The following ZNF177 variants were observed in gnomAD, a reference collection of about 807,000 sequenced individuals.
ZNF177 encodes zinc finger protein 177.
Under a neutral mutation model 19.4 loss-of-function variants are expected in ZNF177, and 17 were observed. The ratio of observed to expected loss-of-function variants is 0.87; its 90% CI spans 0.60 to 1.31. ZNF177 has a LOEUF of 1.31. ZNF177 is among the 40% of genes most tolerant of loss of function. The pLI, the probability that ZNF177 is intolerant of heterozygous loss-of-function variation, is 0.00. For missense variants in ZNF177, 633 were observed against 561.8 expected (o/e 1.13, Z -1.28); for synonymous variants, 220 against 188.7 (o/e 1.17, Z -1.36).
upstream of ZNF177, among the ~76,000 whole-genome samples, chr19:9,374,102 T>C (rs969102995): frequency 2.6e-5 from 4 of 152,166 alleles, no homozygotes; most frequent in Admixed American, 2.6e-4. Flanking sequence ...AGGATCTAAT[T>C]TCACTTTTTC....
At chr19:9,378,378 A>G in intron 2 of ZNF177, 34 bp downstream of exon 4, 2 of 1,613,040 alleles carry the variant, frequency 1.2e-6, no homozygotes, top group Non-Finnish European at 1.7e-6. Flanking sequence ...CCAAAAGCAC[A>G]CTGCCATTCC....
At chr19:9,372,054 TTG>T (rs554859902), upstream of ZNF177, among the ~76,000 whole-genome samples, 327 of 152,322 alleles carry the variant, frequency 2.1e-3, no homozygotes, top group African/African-American at 7.6e-3. Flanking sequence ...CATTGTGTAT[TTG>T]TGTTTCACAA....
At chr19:9,377,968 C>T (rs1055854521) in intron 1 of ZNF177, among the ~76,000 whole-genome samples, 13 of 152,262 alleles carry the variant, frequency 8.5e-5, no homozygotes, top group African/African-American at 2.9e-4. Flanking sequence ...GTTTCTGTCA[C>T]GGGTAAATGA....
intron 5 of ZNF177, chr19:9,380,440 TAAA>T: frequency 1.2e-6 from 1 of 845,070 alleles, no homozygotes; most frequent in Non-Finnish European, 1.8e-6. Context: ...AAAACTGTAT[TAAA>T]GAAGCCCTTT....
In ZNF177 at chr19:9,380,132, T is replaced by TA. The variant is rs1336383980; in HGVS notation, c.332dup (p.Asn111LysfsTer9). 1 of 1,609,854 alleles carries TA rather than the reference T, an allele frequency of 6.2e-7. No homozygotes were observed. Among genetic ancestry groups the TA allele is most frequent in the Non-Finnish European group, 8.5e-7 (1 of 1,179,078 alleles). Reference sequence around the variant, plus strand: ...CCTGGGGGAAAAACATCCAATGGCATAAACACGGTAAGACTTACTAGGAAG... The same window carrying TA: ...CCTGGGGGAAAAACATCCAATGGCATAAAACACGGTAAGACTTACTAGGAAG... On this transcript the variant is annotated frameshift_variant, in exon 5 of 6. Coordinates refer to ENST00000589262, the Ensembl canonical transcript of ZNF177. LOFTEE classifies it low-confidence loss of function (END_TRUNC).
intron 2 of ZNF177, among the ~76,000 whole-genome samples, chr19:9,370,419 G>GTT (rs61588085): frequency 5.0e-5 from 7 of 139,052 alleles, no homozygotes; most frequent in African/African-American, 1.6e-4. Context: ...TTTTTTTTTT[G>GTT]TTTTTTTTTT....
At position 9,379,097 on chromosome 19, in the gene ZNF177, G is replaced by A; in HGVS notation, c.160+9G>A. The A allele has an allele frequency of 6.3e-7, 1 of 1,591,742 alleles. No homozygotes were observed. The highest frequency in any genetic ancestry group is 2.2e-5 in the East Asian group (1 of 44,532). ...GAACCTGGCCTCAGTAGGTAAGGCT[G>A]GCCTCATTTCTTCATTTGTTTATGT... On this transcript the variant is annotated intron_variant, in intron 3 of 5. Transcript: ENST00000589262.
intron 2 of ZNF177, chr19:9,378,659 C>T (rs991556385): frequency 1.3e-5 from 7 of 554,746 alleles, no homozygotes; most frequent in Non-Finnish European, 2.2e-5. Context: ...TATGCCCTGT[C>T]TATACTGGAT....
intron 2 of ZNF177, among the ~76,000 whole-genome samples, chr19:9,366,382 G>A (rs894790469): frequency 2.0e-5 from 3 of 151,990 alleles, no homozygotes; most frequent in Non-Finnish European, 2.9e-5. Context: ...TTAGCCTCCC[G>A]AGTAGGTAGG....
At chr19:9,381,210 C>A (rs754076458) in exon 6 of ZNF177, 3 of 1,614,170 alleles carry the variant, frequency 1.9e-6, no homozygotes, top group Non-Finnish European at 2.5e-6. Context: ...GGAAAGCCTT[C>A]ATTTTTCAGT....
chr19:9,376,824 A>G (rs2068116113), intron 1 of ZNF177, among the ~76,000 whole-genome samples: 1 of 152,168 alleles, frequency 6.6e-6, no homozygotes, highest in Non-Finnish European at 1.5e-5. Context: ...CTGTTACAGT[A>G]TTAGGGTAAT....
At chr19:9,381,975 A>C (rs964283291) in exon 6 of ZNF177, 2 of 752,960 alleles carry the variant, frequency 2.7e-6, no homozygotes, top group African/African-American at 3.5e-5. Context: ...TATATGTGTC[A>C]CAACTGTAGA....
At chr19:9,372,841 C>T (rs994950057), upstream of ZNF177, among the ~76,000 whole-genome samples, 10 of 152,118 alleles carry the variant, frequency 6.6e-5, no homozygotes, top group African/African-American at 2.4e-4. Context: ...GCCACCACAC[C>T]CTGCCAGTTT....
chr19:9,370,767 A>G (rs981588836), intron 2 of ZNF177, among the ~76,000 whole-genome samples: 5 of 152,174 alleles, frequency 3.3e-5, no homozygotes, highest in African/African-American at 4.8e-5. Context: ...ACAAGGGGGA[A>G]GGTCTACATG....
exon 6 of ZNF177, chr19:9,381,583 C>T (rs764492957): frequency 6.2e-7 from 1 of 1,614,150 alleles, no homozygotes; most frequent in South Asian, 1.1e-5. Flanking sequence ...CAAGAGAACT[C>T]ACACTGGTGA....
intron 4 of ZNF177, 188 bp downstream of exon 6, chr19:9,379,807 A>G: frequency 1.6e-6 from 1 of 611,086 alleles, no homozygotes; most frequent in Non-Finnish European, 2.3e-6. Context: ...TTTAAATGTA[A>G]TGTCTCCATG....
chr19:9,366,063 A>G (rs956034062), intron 2 of ZNF177, among the ~76,000 whole-genome samples: 2 of 151,980 alleles, frequency 1.3e-5, no homozygotes, highest in African/African-American at 4.8e-5. Flanking sequence ...GCTCACTGCA[A>G]CCTCTGCCTC....
intron 2 of ZNF177, chr19:9,378,583 T>C: frequency 3.1e-6 from 2 of 640,050 alleles, no homozygotes; most frequent in Admixed American, 3.2e-5. Context: ...TAGTGAGTGC[T>C]GTAAAGAAAG....
At chr19:9,365,743 AAAAGG>A (rs932932968) in intron 2 of ZNF177, among the ~76,000 whole-genome samples, 3 of 152,060 alleles carry the variant, frequency 2.0e-5, no homozygotes, top group African/African-American at 4.8e-5. Flanking sequence ...TGTCTACGAG[AAAAGG>A]AAAGGAACTG....
Sources: allele counts gnomAD v4.1 joint callset (sites outside exome capture counted in the v4.1 genomes callset), GRCh38; gene constraint gnomAD v4.1.1; transcripts MANE v1.5; gene names NCBI Gene and HGNC (gene_info 2026-07-23, HGNC 2026-07-21).